The following PDS5A variants were observed in gnomAD, a reference collection of about 807,000 sequenced individuals.
The protein encoded by PDS5A is PDS5 cohesin associated factor A, also known as sister chromatid cohesion protein PDS5 homolog A.
A neutral mutation model predicts 167.1 loss-of-function variants in PDS5A; 42 were observed. The observed-to-expected ratio is 0.25, with a 90% CI of 0.20 to 0.33. The LOEUF (loss-of-function observed/expected upper bound fraction) is 0.33. PDS5A is among the 10% of genes least tolerant of loss of function. The pLI is 1.00. For synonymous variants in PDS5A, 553 were observed against 554.6 expected (o/e 1.00, Z 0.04); for missense variants, 1,033 against 1,605.9 (o/e 0.64, Z 6.10).
At chr4:39,921,505 A>G (rs2109715181) in intron 6 of PDS5A, among the ~76,000 whole-genome samples, 1 of 151,688 alleles carries the variant, frequency 6.6e-6, no homozygotes, top group South Asian at 2.1e-4. Flanking sequence ...GGAGGCTAAA[A>G]CGGGCAGATC....
intron 2 of PDS5A, among the ~76,000 whole-genome samples, chr4:39,940,269 A>C (rs538906350): frequency 1.1e-4 from 17 of 152,108 alleles, no homozygotes; most frequent in Non-Finnish European, 2.2e-4. Flanking sequence ...TTTTTAAGAA[A>C]TATGTAGTGA....
In PDS5A at chr4:39,974,428, ATTGT is replaced by A. The variant is rs548210362; in HGVS notation, c.138+2008_138+2011del. ...AACAATAAATATTAACGATCCATCA[ATTGT>A]TTAAGTTTTATATTTCATAATTTCT... On this transcript the variant is annotated intron_variant, in intron 2 of 32. Coordinates refer to ENST00000303538, the MANE Select transcript of PDS5A (RefSeq NM_001100399.2). 2.1e-4 allele frequency: 67 copies of A among 318,860 alleles called. 1 individual carries two copies. Among genetic ancestry groups the A allele is most frequent in the Admixed American group, 4.2e-4 (10 of 23,942 alleles). 19.8% of individuals were successfully genotyped at this position (318,860 alleles called of 1,614,324 possible).
intron 5 of PDS5A, among the ~76,000 whole-genome samples, chr4:39,925,559 C>T (rs1052170545): frequency 3.3e-5 from 5 of 152,152 alleles, no homozygotes; most frequent in African/African-American, 1.2e-4. Context: ...AAAACAAGAG[C>T]ACCACTTTAT....
chr4:39,931,767 A>G (rs929286620), intron 2 of PDS5A, among the ~76,000 whole-genome samples: 2 of 152,164 alleles, frequency 1.3e-5, no homozygotes, highest in East Asian at 3.8e-4. Flanking sequence ...GGGACTATAC[A>G]AGGGAGTAAA....
Position 39,850,262 on chromosome 4 carries a change from ACT to A in PDS5A, c.3087-612_3087-611del, listed in dbSNP as rs3070810. ...ACTCCAACCTGGGTGACAGAGCGAGACTCTCTCTCAAAAAAAAAAAAAAAAGA... is the reference window on the plus strand; with the variant it reads ...ACTCCAACCTGGGTGACAGAGCGAGACTCTCTCAAAAAAAAAAAAAAAAGA... On this transcript the variant is annotated intron_variant, in intron 26 of 32. Coordinates refer to ENST00000303538, the MANE Select transcript of PDS5A (RefSeq NM_001100399.2). Among the ~76,000 whole-genome samples the A allele has an allele frequency of 9.6e-3, 1,376 of 142,632 alleles. 7 individuals carry two copies. The highest frequency in any genetic ancestry group is 0.017 in the Non-Finnish European group (1,087 of 65,650). 93.6% of individuals were successfully genotyped at this position (142,632 alleles called of 152,430 possible). A position where few individuals can be genotyped will look rare whatever the true frequency, so the allele number is the denominator to read the frequency against.
At chr4:39,965,102 G>A (rs955628299) in intron 2 of PDS5A, among the ~76,000 whole-genome samples, 1 of 152,086 alleles carries the variant, frequency 6.6e-6, no homozygotes, top group South Asian at 2.1e-4. Context: ...CCTTGAGTAT[G>A]AGCTGGGTTA....
At chr4:39,860,861 C>A (rs191830176) in intron 26 of PDS5A, among the ~76,000 whole-genome samples, 1 of 151,502 alleles carries the variant, frequency 6.6e-6, no homozygotes, top group East Asian at 2.0e-4. Flanking sequence ...CTTGAGTCCA[C>A]GAGTTTGAGA....
intron 2 of PDS5A, among the ~76,000 whole-genome samples, chr4:39,971,254 G>C (rs1467032744): frequency 6.6e-6 from 1 of 151,992 alleles, no homozygotes; most frequent in Non-Finnish European, 1.5e-5. Flanking sequence ...CGCCTCCTGG[G>C]TTCATGCAAT....
In PDS5A at chr4:39,964,429, C is replaced by A. The variant is rs188910595; in HGVS notation, c.138+12011G>T. On this transcript the variant is annotated intron_variant, in intron 2 of 32. Transcript: ENST00000303538. ...TATCATAATAGCAATGCAAGCCAGA[C>A]TCAGAGGCTTATGCCTATAATCCCA... Among the ~76,000 whole-genome samples the A allele has an allele frequency of 1.8e-4, 27 of 152,330 alleles. No homozygotes were observed. In the East Asian group the frequency reaches 4.8e-3, roughly 27 times the overall value.
At chr4:39,891,413 C>G (rs1721949216) in intron 16 of PDS5A, among the ~76,000 whole-genome samples, 1 of 151,478 alleles carries the variant, frequency 6.6e-6, no homozygotes, top group Non-Finnish European at 1.5e-5. Flanking sequence ...CTTTGGGAGG[C>G]TGAGGCGGGC....
rs1350234103 is a variant in PDS5A, at chr4:39,970,834, G to A, written c.138+5606C>T. ...TTTTTTTAAGACAAGGTCTCACTCG[G>A]TCACCCAGGCTGGAGTGCAGTGGTA... is the stretch of plus-strand genomic sequence containing the variant. On this transcript the variant is annotated intron_variant, in intron 2 of 32. Coordinates refer to ENST00000303538, the MANE Select transcript of PDS5A (RefSeq NM_001100399.2). Among the ~76,000 whole-genome samples, 3 of 131,152 alleles carry A rather than the reference G, an allele frequency of 2.3e-5. No individual in the cohort carries two copies. In the Admixed American group the frequency reaches 2.7e-4, roughly 12 times the overall value. 86.0% of individuals were successfully genotyped at this position (131,152 alleles called of 152,430 possible).
intron 2 of PDS5A, among the ~76,000 whole-genome samples, chr4:39,962,858 A>G (rs1339243332): frequency 6.6e-6 from 1 of 152,152 alleles, no homozygotes; most frequent in Non-Finnish European, 1.5e-5. Flanking sequence ...GCTACTTTGG[A>G]GGCTGAGGCA....
chr4:39,974,262 C>T (rs1730861709), intron 2 of PDS5A: 1 of 550,458 alleles, frequency 1.8e-6, no homozygotes, highest in Non-Finnish European at 3.7e-6. Context: ...GCTCCTATAC[C>T]ACCACTTAAT....
intron 12 of PDS5A, among the ~76,000 whole-genome samples, chr4:39,903,453 A>G (rs1406013248): frequency 6.6e-6 from 1 of 152,248 alleles, no homozygotes; most frequent in African/African-American, 2.4e-5. Context: ...ATTAAACAAA[A>G]CAATGGAAAC....
intron 17 of PDS5A, among the ~76,000 whole-genome samples, chr4:39,885,163 C>T (rs115417000): frequency 0.029 from 4,204 of 146,110 alleles, 188 homozygotes; most frequent in African/African-American, 0.099. Flanking sequence ...CTCGGGAGGC[C>T]GAACCCGGGA....
intron 8 of PDS5A, among the ~76,000 whole-genome samples, chr4:39,915,473 C>A (rs1724289745): frequency 6.6e-6 from 1 of 151,076 alleles, no homozygotes; most frequent in South Asian, 2.1e-4. Context: ...CATCCTCCCA[C>A]CTCAGCCTCC....
rs1560419555 is a variant in PDS5A, at chr4:39,842,907, T to TATA, written c.3549-852_3549-851insTAT. Among the ~76,000 whole-genome samples the TATA allele has an allele frequency of 1.4e-3, 39 of 28,436 alleles. 2 individuals carry two copies. The highest frequency in any genetic ancestry group is 8.9e-3 in the East Asian group (11 of 1,240). The allele number at this position is 28,436 out of a possible 152,430, so 18.7% of individuals were successfully genotyped here. A position where few individuals can be genotyped will look rare whatever the true frequency, so the allele number is the denominator to read the frequency against. The stretch of plus-strand genomic sequence containing the variant: ...TTAGAACAATGTAAACTTATCCTAT[T>TATA]TTTATATATATATATATATATATAT... On this transcript the variant is annotated intron_variant, in intron 30 of 32. Transcript: ENST00000303538.
intron 2 of PDS5A, among the ~76,000 whole-genome samples, chr4:39,946,782 G>A (rs6828697): frequency 0.096 from 14,589 of 151,734 alleles, 875 homozygotes; most frequent in East Asian, 0.22. Flanking sequence ...CAGGCGTGGC[G>A]GGCACCTGTA....
intron 2 of PDS5A, among the ~76,000 whole-genome samples, chr4:39,944,677 A>G (rs1239717324): frequency 7.1e-6 from 1 of 141,836 alleles, no homozygotes; most frequent in Non-Finnish European, 1.5e-5. Flanking sequence ...CCGGGCAACA[A>G]CGGCGAAACT....
Sources: allele counts gnomAD v4.1 joint callset (sites outside exome capture counted in the v4.1 genomes callset), GRCh38; gene constraint gnomAD v4.1.1; transcripts MANE v1.5; gene names NCBI Gene and HGNC (gene_info 2026-07-23, HGNC 2026-07-21).